The following NRG1 variants were observed in gnomAD, a reference collection of about 807,000 sequenced individuals.
NRG1 encodes the protein pro-neuregulin-1, membrane-bound isoform.
Under a neutral mutation model 63.8 loss-of-function variants are expected in NRG1, and 18 were observed. The ratio of observed to expected loss-of-function variants is 0.28; its 90% CI spans 0.19 to 0.42. NRG1 has a LOEUF of 0.42. Among genes scored for constraint, NRG1 ranks in the 10% least tolerant of loss-of-function variants. The pLI, the probability that NRG1 is intolerant of heterozygous loss-of-function variation, is 1.00. For missense variants in NRG1, 762 were observed against 814.7 expected (o/e 0.94, Z 0.79); for synonymous variants, 302 against 301.3 (o/e 1.00, Z -0.02).
chr8:32,445,917 C>T (rs1388547210), intron 1 of NRG1, among the ~76,000 whole-genome samples: 6 of 151,794 alleles, frequency 4.0e-5, no homozygotes, highest in Non-Finnish European at 7.4e-5. Flanking sequence ...GGATGTTCAC[C>T]GAGAAGACTG....
intron 1 of NRG1, among the ~76,000 whole-genome samples, chr8:32,013,575 A>T (rs1815067071): frequency 6.6e-6 from 1 of 152,054 alleles, no homozygotes; most frequent in Non-Finnish European, 1.5e-5. Flanking sequence ...CCCTGATTAA[A>T]CTATAAGAGA....
intron 1 of NRG1, among the ~76,000 whole-genome samples, chr8:32,078,103 C>T (rs143387357): frequency 2.0e-5 from 3 of 152,142 alleles, no homozygotes; most frequent in Non-Finnish European, 4.4e-5. Flanking sequence ...AGCAAGTGAT[C>T]GAGTTTAGAT....
At chr8:31,837,408 G>A (rs1272798529) in intron 1 of NRG1, among the ~76,000 whole-genome samples, 1 of 151,226 alleles carries the variant, frequency 6.6e-6, no homozygotes, top group Admixed American at 6.6e-5. Flanking sequence ...CATGTTTATG[G>A]TTTACCATGT....
chr8:32,038,561 T>G (rs1819444209), intron 1 of NRG1, among the ~76,000 whole-genome samples: 1 of 152,184 alleles, frequency 6.6e-6, no homozygotes, highest in African/African-American at 2.4e-5. Flanking sequence ...TTTTGCTTTC[T>G]AATAGAATTG....
chr8:32,308,795 A>G (rs898285384), intron 1 of NRG1, among the ~76,000 whole-genome samples: 7 of 152,294 alleles, frequency 4.6e-5, no homozygotes, highest in Admixed American at 1.3e-4. Flanking sequence ...TGGTGCTACA[A>G]TGTCACTTTG....
chr8:31,880,309 C>T (rs1830251484), intron 1 of NRG1, among the ~76,000 whole-genome samples: 1 of 152,084 alleles, frequency 6.6e-6, no homozygotes, highest in Admixed American at 6.5e-5. Context: ...GTGCCAGCCA[C>T]CATTTTAGCT....
At chr8:32,763,407 T>C (rs1211488614) in intron 11 of NRG1, 1 of 1,594,034 alleles carries the variant, frequency 6.3e-7, no homozygotes. Context: ...CCCTGAGCCT[T>C]GGTCCTTATA....
intron 1 of NRG1, chr8:32,221,094 AGAAAT>A (rs1216636814): frequency 6.6e-6 from 1 of 152,242 alleles, no homozygotes; most frequent in Non-Finnish European, 1.5e-5. Flanking sequence ...CATGAAAAAA[AGAAAT>A]GAAATGATTT....
intron 1 of NRG1, among the ~76,000 whole-genome samples, chr8:32,196,275 G>T (rs1188714861): frequency 2.0e-5 from 3 of 152,044 alleles, no homozygotes; most frequent in Non-Finnish European, 4.4e-5. Flanking sequence ...CCTGGTCTGG[G>T]GAGGTCCCAC....
At chr8:31,713,109 A>ATTTTTTTTT (rs11304829) in intron 1 of NRG1, among the ~76,000 whole-genome samples, 1 of 86,042 alleles carries the variant, frequency 1.2e-5, no homozygotes, top group African/African-American at 4.0e-5. Flanking sequence ...ACTCCTTCTA[A>ATTTTTTTTT]TTTTTTTTTT....
At chr8:32,600,129 CCTCT>C (rs1432048984) in intron 2 of NRG1, among the ~76,000 whole-genome samples, 1 of 152,042 alleles carries the variant, frequency 6.6e-6, no homozygotes, top group Non-Finnish European at 1.5e-5. Context: ...GCTTAAGAAG[CCTCT>C]CTTTTAGCCA....
chr8:32,107,659 T>G (rs938711341), intron 1 of NRG1, among the ~76,000 whole-genome samples: 16 of 152,162 alleles, frequency 1.1e-4, no homozygotes, highest in Non-Finnish European at 1.0e-4. Flanking sequence ...GTTAAAAAAT[T>G]CACAAAGTAA....
intron 9 of NRG1, 38 bp downstream of exon 9, chr8:32,756,567 T>C: frequency 6.3e-7 from 1 of 1,579,480 alleles, no homozygotes; most frequent in Non-Finnish European, 8.6e-7. Context: ...ACTGAGCCTC[T>C]CTCCTTTGTT....
intron 6 of NRG1, chr8:32,728,745 T>C: frequency 6.4e-6 from 5 of 776,120 alleles, no homozygotes; most frequent in Non-Finnish European, 7.8e-6. Context: ...TCCAATGACC[T>C]GAAGGAGTTG....
intron 1 of NRG1, among the ~76,000 whole-genome samples, chr8:32,536,187 G>GGT: frequency 6.6e-6 from 1 of 152,260 alleles, no homozygotes; most frequent in South Asian, 2.1e-4. Flanking sequence ...CTGAAATCAA[G>GGT]GTGTTGACCG....
intron 1 of NRG1, among the ~76,000 whole-genome samples, chr8:32,282,272 C>G (rs1852952014): frequency 6.6e-6 from 1 of 152,192 alleles, no homozygotes; most frequent in Non-Finnish European, 1.5e-5. Flanking sequence ...TCCATCCCCT[C>G]TCTCTCTGTT....
chr8:32,565,488 G>A (rs926351370), intron 1 of NRG1, among the ~76,000 whole-genome samples: 53 of 152,040 alleles, frequency 3.5e-4, no homozygotes, highest in African/African-American at 1.1e-3. Context: ...CTTCCCTCAC[G>A]TTTCCCATCA....
At chr8:32,477,604 A>G (rs889478862) in intron 1 of NRG1, among the ~76,000 whole-genome samples, 1 of 152,200 alleles carries the variant, frequency 6.6e-6, no homozygotes, top group African/African-American at 2.4e-5. Flanking sequence ...TACCTTTGGC[A>G]TAGTTTTACC....
At chr8:32,352,500 T>C (rs577444495) in intron 1 of NRG1, among the ~76,000 whole-genome samples, 2 of 152,266 alleles carry the variant, frequency 1.3e-5, no homozygotes, top group South Asian at 4.1e-4. Context: ...CTTTTCTCAC[T>C]GGGCAAGCAA....
Sources: gnomAD v4.1 joint callset for allele counts (sites outside exome capture counted in the v4.1 genomes callset) on GRCh38, gnomAD v4.1.1 for gene constraint, MANE v1.5 for transcripts, NCBI Gene and HGNC (gene_info 2026-07-23, HGNC 2026-07-21) for gene names.